PEMT: variants seen among roughly 807,000 people sequenced by gnomAD.
PEMT encodes phospholipid methyltransferase.
A neutral mutation model predicts 27.4 loss-of-function variants in PEMT; 23 were observed. That is an observed-to-expected ratio of 0.84 (90% CI 0.60 to 1.19). The LOEUF (loss-of-function observed/expected upper bound fraction) is 1.19. PEMT is among the 50% of genes most tolerant of loss of function. The pLI is 0.00. For missense variants in PEMT, 307 were observed against 310.1 expected (o/e 0.99, Z 0.07); for synonymous variants, 137 against 139.1 (o/e 0.98, Z 0.11).
chr17:17,545,287 G>A (rs1372127256), intron 2 of PEMT, among the ~76,000 whole-genome samples: 1 of 152,188 alleles, frequency 6.6e-6, no homozygotes, highest in African/African-American at 2.4e-5. Context: ...CACCGTCCTG[G>A]CGTCCCAGCC....
chr17:17,507,740 T>A (rs70965422), intron 5 of PEMT: 150 of 155,566 alleles, frequency 9.6e-4, no homozygotes, highest in Non-Finnish European at 1.6e-3. Context: ...GAAGCCCATC[T>A]CCGGGGCCCT....
Position 17,512,283 on chromosome 17 carries a change from CA to C in PEMT, c.466+225del, listed in dbSNP as rs2142512290. 6.6e-6 allele frequency among the ~76,000 whole-genome samples: 1 copy of C among 152,340 alleles called. No individual in the cohort carries two copies. Among genetic ancestry groups the C allele is most frequent in the South Asian group, 2.1e-4 (1 of 4,828 alleles). On this transcript the variant is annotated intron_variant, in intron 4 of 6. Coordinates refer to ENST00000255389, the MANE Select transcript of PEMT (RefSeq NM_148172.3). The surrounding 1 kb of genome is among the most constrained non-coding windows in gnomAD (Gnocchi z 6.3). ...AGCAGCAGGAGCTGCCTTCACTCCC[CA>C]GGAGGCAGCCGCTCAGCACGCTGGG...
intron 2 of PEMT, among the ~76,000 whole-genome samples, chr17:17,526,000 C>A (rs1475835433): frequency 4.0e-5 from 1 of 25,134 alleles, no homozygotes; most frequent in African/African-American, 2.6e-4. Flanking sequence ...TATCAAACAA[C>A]AAACAAACAA....
intron 2 of PEMT, among the ~76,000 whole-genome samples, chr17:17,527,425 C>T (rs1174354353): frequency 6.6e-6 from 1 of 152,246 alleles, no homozygotes; most frequent in Non-Finnish European, 1.5e-5. Flanking sequence ...CACCCCAGTG[C>T]CCAGCAGGGC....
In PEMT at chr17:17,561,841, C is replaced by T. The variant is rs1009505546; in HGVS notation, c.204+15079G>A. ...CTTCCACGTGGCTACCTCACGCGGA[C>T]GCCCCACGTGCGGCCTGACCCACAG... On this transcript the variant is annotated intron_variant, in intron 2 of 6. Coordinates refer to ENST00000255389, the MANE Select transcript of PEMT (RefSeq NM_148172.3). The surrounding 1 kb of genome is among the most constrained non-coding windows in gnomAD (Gnocchi z 4.5). 2.6e-5 allele frequency among the ~76,000 whole-genome samples: 4 copies of T among 152,208 alleles called. No homozygotes were observed. The highest frequency in any genetic ancestry group is 4.8e-5 in the African/African-American group (2 of 41,450).
At chr17:17,555,673 G>A (rs1254738746) in intron 2 of PEMT, among the ~76,000 whole-genome samples, 4 of 152,174 alleles carry the variant, frequency 2.6e-5, no homozygotes, top group Non-Finnish European at 5.9e-5. Context: ...TGGTCACATC[G>A]GCTCTGACCA....
At chr17:17,537,699 TGCTCCTGGAA>T (rs1908580432) in intron 2 of PEMT, among the ~76,000 whole-genome samples, 1 of 152,206 alleles carries the variant, frequency 6.6e-6, no homozygotes, top group African/African-American at 2.4e-5. Context: ...GACCACTCTT[TGCTCCTGGAA>T]GCTCTGGCCC....
At chr17:17,590,183 G>A (rs1912518850) in intron 1 of PEMT, among the ~76,000 whole-genome samples, 1 of 152,172 alleles carries the variant, frequency 6.6e-6, no homozygotes, top group Non-Finnish European at 1.5e-5. Flanking sequence ...GAGCTGTAGG[G>A]GTAGGACCCA....
chr17:17,576,964 C>G lies in PEMT; in HGVS notation c.160G>C (p.Ala54Pro). 1 of 1,614,088 alleles carries G rather than the reference C, an allele frequency of 6.2e-7. No homozygotes were observed. Among genetic ancestry groups the G allele is most frequent in the Non-Finnish European group, 8.5e-7 (1 of 1,180,002 alleles). ...TTGAAGGTGATGGTGATGACGGCAG[C>G]CACAAAGCTGGGATCCAGGGGGTCC... ...YVDPLDPSFV[A>P]AVITITFNPL... The change falls in exon 2 of 7, where the codon GCT (alanine) becomes CCT (proline). Residue 54 changes from alanine to proline, a missense_variant. Physicochemically the swap from Ala to Pro is conservative, Grantham distance 27 (BLOSUM62 -1). Coordinates refer to ENST00000255389, the MANE Select transcript of PEMT (RefSeq NM_148172.3).
chr17:17,571,901 G>A (rs151306534), intron 2 of PEMT, among the ~76,000 whole-genome samples: 9 of 152,174 alleles, frequency 5.9e-5, no homozygotes, highest in Admixed American at 3.3e-4. Flanking sequence ...ATTTCACCAC[G>A]TTGCCCGGGC....
rs1910437671 is a variant in PEMT at position 17,561,033 on chromosome 17, C to T, written c.204+15887G>A. ...AAGGACCCCGGCCGCGCCTTCCTCT[C>T]CCCTCTCTCCTCCCTTCCTCCAGAC... is the stretch of plus-strand genomic sequence containing the variant. On this transcript the variant is annotated intron_variant, in intron 2 of 6. Coordinates refer to ENST00000255389, the MANE Select transcript of PEMT (RefSeq NM_148172.3). This position sits in a 1 kb window ranked among gnomAD's most constrained non-coding sequence, Gnocchi z 4.5. 1.3e-5 allele frequency among the ~76,000 whole-genome samples: 2 copies of T among 152,228 alleles called. No homozygotes were observed. Among genetic ancestry groups the T allele is most frequent in the Admixed American group, 1.3e-4 (2 of 15,308 alleles).
At chr17:17,553,120 G>T (rs573734764) in intron 2 of PEMT, among the ~76,000 whole-genome samples, 1 of 152,332 alleles carries the variant, frequency 6.6e-6, no homozygotes, top group Admixed American at 6.5e-5. Context: ...CCCCACACAC[G>T]GTGTCCTCAG....
At chr17:17,509,632 C>G (rs766445361) in intron 4 of PEMT, 87 bp from the exon 5 acceptor site, 2 of 913,038 alleles carry the variant, frequency 2.2e-6, no homozygotes, top group Non-Finnish European at 3.6e-6. Context: ...CGGGCTGTGG[C>G]GAGACCTGCA....
chr17:17,567,085 G>A (rs1422151395), intron 2 of PEMT, among the ~76,000 whole-genome samples: 1 of 152,190 alleles, frequency 6.6e-6, no homozygotes, highest in East Asian at 1.9e-4. Flanking sequence ...AATCATCCAG[G>A]GAAGACACGC....
chr17:17,525,178 GC>G (rs1907580173), intron 2 of PEMT, among the ~76,000 whole-genome samples: 2 of 152,096 alleles, frequency 1.3e-5, no homozygotes, highest in African/African-American at 4.8e-5. Flanking sequence ...CTCCCATACA[GC>G]CCCCCTCCCC....
intron 1 of PEMT, among the ~76,000 whole-genome samples, chr17:17,590,928 G>A (rs1369344777): frequency 6.6e-6 from 1 of 152,142 alleles, no homozygotes; most frequent in Non-Finnish European, 1.5e-5. Flanking sequence ...TTCTGGGGCC[G>A]GTCGCACCCA....
At chr17:17,542,416 G>A (rs1005905655) in intron 2 of PEMT, among the ~76,000 whole-genome samples, 20 of 152,190 alleles carry the variant, frequency 1.3e-4, no homozygotes, top group African/African-American at 3.6e-4. Context: ...GCTTGCTCAG[G>A]TCACCCCAGA....
chr17:17,589,340 G>A (rs77911758), intron 1 of PEMT, among the ~76,000 whole-genome samples: 12,153 of 151,146 alleles, frequency 0.08, 632 homozygotes, highest in East Asian at 0.14. Context: ...CCAGAAAAGA[G>A]CTGGTGGAGG....
At chr17:17,570,415 G>T in intron 2 of PEMT, 1 of 680,374 alleles carries the variant, frequency 1.5e-6, no homozygotes, top group Non-Finnish European at 1.8e-6. Flanking sequence ...CACTCAGATG[G>T]CCTGGGCTTG....
Sources: gnomAD v4.1 joint callset for allele counts (sites outside exome capture counted in the v4.1 genomes callset) on GRCh38, gnomAD v4.1.1 for gene constraint, Gnocchi (gnomAD v3.1) non-coding constraint, MANE v1.5 for transcripts, NCBI Gene and HGNC (gene_info 2026-07-23, HGNC 2026-07-21) for gene names.